AP2A2: variants seen among roughly 807,000 people sequenced by gnomAD.
AP2A2 encodes the protein AP-2 complex subunit alpha-2.
In AP2A2, 32 loss-of-function variants were observed where a neutral mutation model predicts 104.2. The ratio of observed to expected loss-of-function variants is 0.31; its 90% CI spans 0.23 to 0.41. The LOEUF (loss-of-function observed/expected upper bound fraction) is 0.41, where lower values mean the gene tolerates loss of function less well. AP2A2 is among the 10% of genes least tolerant of loss of function. The pLI is 1.00. For synonymous variants in AP2A2, 539 were observed against 533.3 expected (o/e 1.01, Z -0.15); for missense variants, 912 against 1,261.0 (o/e 0.72, Z 4.19).
rs1238223593 is a variant in AP2A2, at chr11:942,115, A to AG, written c.67+16033dup. 2.6e-5 allele frequency among the ~76,000 whole-genome samples: 4 copies of AG among 151,964 alleles called. No individual in the cohort carries two copies. In the East Asian group the frequency reaches 5.8e-4, roughly 22 times the overall value. On this transcript the variant is annotated intron_variant, in intron 1 of 21. Coordinates refer to ENST00000448903, the MANE Select transcript of AP2A2 (RefSeq NM_012305.4). ...CTAATTTTTTGTATTTTTAGTAGAGAGGGGGGTTTCACCCTGTTAGCCAGG... is the reference window on the plus strand; with the variant it reads ...CTAATTTTTTGTATTTTTAGTAGAGAGGGGGGGTTTCACCCTGTTAGCCAGG...
In AP2A2 at chr11:993,740, C is replaced by CT. The variant is rs1308200397; in HGVS notation, c.1551-13dup. 4 of 1,568,762 alleles carry CT rather than the reference C, an allele frequency of 2.5e-6. No homozygotes were observed. In the Admixed American group the frequency reaches 5.5e-5, roughly 22 times the overall value. ...GGACGACGGTGTCCCTGTGTTGTGC[C>CT]TCCCCGTCCCCAGCCCGCTGATCCA... On this transcript the variant is annotated splice_polypyrimidine_tract_variant and intron_variant, in intron 12 of 21. Transcript: ENST00000448903. The surrounding 1 kb of genome is among the most constrained non-coding windows in gnomAD (Gnocchi z 8.2).
intron 1 of AP2A2, among the ~76,000 whole-genome samples, chr11:938,826 T>A (rs1853551777): frequency 6.6e-6 from 1 of 152,194 alleles, no homozygotes; most frequent in Non-Finnish European, 1.5e-5. Context: ...GTCTGTTCTA[T>A]GAAAATGTTG....
chr11:1,009,423 G>A lies in AP2A2; in HGVS notation c.2607+26G>A, dbSNP rs540841155. The A allele has an allele frequency of 1.1e-4, 171 of 1,598,662 alleles. 5 individuals carry two copies. The South Asian group carries it at 1.7e-3, about 16-fold the overall frequency. On this transcript the variant is annotated intron_variant, in intron 20 of 21. Coordinates refer to ENST00000448903, the MANE Select transcript of AP2A2 (RefSeq NM_012305.4). ...GTAACACGTCTGGAGGGACGGCCCC[G>A]GGGGACACGCAGCCCGTGACCCCGC...
At chr11:934,097 A>T (rs955442848) in intron 1 of AP2A2, among the ~76,000 whole-genome samples, 1 of 151,892 alleles carries the variant, frequency 6.6e-6, no homozygotes, top group Non-Finnish European at 1.5e-5. Flanking sequence ...CCTGACTCCC[A>T]TGCTAGGTTC....
chr11:954,273 G>A (rs1157340017), intron 1 of AP2A2, among the ~76,000 whole-genome samples: 1 of 152,170 alleles, frequency 6.6e-6, no homozygotes, highest in Non-Finnish European at 1.5e-5. Context: ...CCCACCTCAC[G>A]TGCTGGCCCC....
intron 2 of AP2A2, among the ~76,000 whole-genome samples, chr11:964,504 CTGGT>C (rs761971247): frequency 2.8e-4 from 43 of 152,174 alleles, no homozygotes; most frequent in Non-Finnish European, 4.7e-4. Context: ...TTAGGGGAAT[CTGGT>C]TGGCCTCAAA....
chr11:977,169 T>G lies in AP2A2; in HGVS notation c.548T>G (p.Val183Gly). ...LRLYRTSPDLVPMGDWTSRVV... is the reference protein window; with the variant it reads ...LRLYRTSPDLGPMGDWTSRVV... ...CTGTACAGGACGTCCCCCGATCTTG[T>G]CCCCATGGGCGACTGGACATCCCGA... The change falls in exon 5 of 22, where the codon GTC (valine) becomes GGC (glycine). Residue 183 changes from valine to glycine, a missense_variant. Val to Gly is a moderately radical substitution (Grantham distance 109). Transcript: ENST00000448903. 1 of 1,612,882 alleles carries G rather than the reference T, an allele frequency of 6.2e-7. No individual in the cohort carries two copies. Among genetic ancestry groups the G allele is most frequent in the Non-Finnish European group, 8.5e-7 (1 of 1,179,192 alleles).
intron 1 of AP2A2, chr11:943,211 TCAA>T (rs1287459206): frequency 6.6e-6 from 1 of 152,126 alleles, no homozygotes; most frequent in Non-Finnish European, 1.5e-5. Context: ...AGTCAAATCT[TCAA>T]CAGCCGAGCT....
rs963222960 is a variant in AP2A2 at position 976,797 on chromosome 11, T to TAAC, written c.474-286_474-284dup. Among the ~76,000 whole-genome samples, 8 of 152,314 alleles carry TAAC rather than the reference T, an allele frequency of 5.3e-5. No homozygotes were observed. The South Asian group carries it at 1.7e-3, about 32-fold the overall frequency. ...GTTGTGATTGTGGATTATTAAGTTGTAACAACAACAACAAGAAAGCTATTG... is the reference window on the plus strand; with the variant it reads ...GTTGTGATTGTGGATTATTAAGTTGTAACAACAACAACAACAAGAAAGCTATTG... On this transcript the variant is annotated intron_variant, in intron 4 of 21. Coordinates refer to ENST00000448903, the MANE Select transcript of AP2A2 (RefSeq NM_012305.4).
Position 994,178 on chromosome 11 carries a change from C to A in AP2A2, c.1889C>A (p.Thr630Asn). ...GPSTVTDLED[T>N]KRDRSVDVNG... is the part of the protein sequence containing the mutation. ...AGCACGGTGACAGACCTGGAGGACACCAAGCGGGACAGGAGTGTGGACGTG... is the reference window on the plus strand; with the variant it reads ...AGCACGGTGACAGACCTGGAGGACAACAAGCGGGACAGGAGTGTGGACGTG... Residue 630 changes from threonine (T) to asparagine (N), a missense_variant, in exon 14 of 22, where the codon ACC (threonine) becomes AAC (asparagine). Thr to Asn is a moderately conservative substitution (Grantham distance 65). Coordinates refer to ENST00000448903, the MANE Select transcript of AP2A2 (RefSeq NM_012305.4). 17 of 1,613,080 alleles carry A rather than the reference C, an allele frequency of 1.1e-5. No homozygotes were observed. Among genetic ancestry groups the A allele is most frequent in the East Asian group, 2.2e-5 (1 of 44,882 alleles).
chr11:1,008,019 C>T lies in AP2A2; in HGVS notation c.2304C>T (p.Asn768=). The T allele has an allele frequency of 1.3e-6, 2 of 1,558,652 alleles. No individual in the cohort carries two copies. The highest frequency in any genetic ancestry group is 1.7e-6 in the Non-Finnish European group (2 of 1,151,796). ...ATTCCTTAACGCACGCACACCTGAA[C>T]CTGCAGACCAAGCCCGTGGACCCGA... The part of the protein sequence containing the change: ...ICSDDLQPNL[N]LQTKPVDPTV... The change falls in exon 18 of 22, where the codon AAC becomes AAT. Residue 768 remains asparagine (N), a synonymous_variant. Coordinates refer to ENST00000448903, the MANE Select transcript of AP2A2 (RefSeq NM_012305.4).
At chr11:985,717 T>G in intron 8 of AP2A2, 135 bp downstream of exon 8, 3 of 1,279,158 alleles carry the variant, frequency 2.3e-6, no homozygotes, top group Non-Finnish European at 3.2e-6. Context: ...CTGTGCTCCC[T>G]GCCGGATGCT....
chr11:937,083 C>T (rs978284525), intron 1 of AP2A2, among the ~76,000 whole-genome samples: 15 of 152,018 alleles, frequency 9.9e-5, no homozygotes, highest in Admixed American at 7.9e-4. Flanking sequence ...TGCAGTGGCG[C>T]GATCTCAGCT....
At chr11:961,780 T>G (rs1589969584) in intron 2 of AP2A2, among the ~76,000 whole-genome samples, 1 of 116,572 alleles carries the variant, frequency 8.6e-6, no homozygotes, top group Non-Finnish European at 1.7e-5. Flanking sequence ...CGGAAGCAGA[T>G]GGAGATGTGG....
At chr11:950,770 C>T (rs185628520) in intron 1 of AP2A2, among the ~76,000 whole-genome samples, 1 of 152,228 alleles carries the variant, frequency 6.6e-6, no homozygotes, top group Admixed American at 6.5e-5. Flanking sequence ...TAAAAAACTT[C>T]ATGAAGACAA....
intron 1 of AP2A2, among the ~76,000 whole-genome samples, chr11:956,377 GGTCTCCAACTCCTGA>G: frequency 6.6e-6 from 1 of 152,138 alleles, no homozygotes; most frequent in Middle Eastern, 3.4e-3. Context: ...TGGCTAGGCT[GGTCTCCAACTCCTGA>G]CCTCAGGCGA....
At chr11:981,919 G>A (rs190277075) in intron 6 of AP2A2, among the ~76,000 whole-genome samples, 3 of 152,270 alleles carry the variant, frequency 2.0e-5, no homozygotes, top group Non-Finnish European at 1.5e-5. Context: ...GGAGACTGGC[G>A]TTGCCAGACC....
chr11:947,821 A>G (rs1409482784), intron 1 of AP2A2, among the ~76,000 whole-genome samples: 4 of 152,138 alleles, frequency 2.6e-5, no homozygotes, highest in Admixed American at 6.6e-5. Context: ...AGCCAGGCCC[A>G]GAGATGTGCC....
rs539922621 is a variant in AP2A2 at position 1,010,569 on chromosome 11, A to G, written c.2764A>G (p.Thr922Ala). The G allele has an allele frequency of 1.3e-6, 2 of 1,596,294 alleles. No homozygotes were observed. Among genetic ancestry groups the G allele is most frequent in the South Asian group, 1.1e-5 (1 of 87,542 alleles). The change falls in exon 22 of 22, where the codon ACA becomes GCA. Residue 922 changes from threonine (T) to alanine (A), a missense_variant. By Grantham distance (58) the Thr-to-Ala change is moderately conservative. Transcript: ENST00000448903. ...TCAGATGTACCGGCTCACGCTGCGC[A>G]CAAGTAAGGAAGCCGTTTCTCAGAG... The part of the protein sequence containing the change: ...QAQMYRLTLR[T>A]SKEAVSQRLC...
Sources: allele counts gnomAD v4.1 joint callset (sites outside exome capture counted in the v4.1 genomes callset), GRCh38; gene constraint gnomAD v4.1.1; non-coding constraint Gnocchi (gnomAD v3.1); transcripts MANE v1.5; gene names NCBI Gene and HGNC (gene_info 2026-07-23, HGNC 2026-07-21).